VPS13B: variants seen among roughly 807,000 people sequenced by gnomAD.
The protein encoded by VPS13B is intermembrane lipid transfer protein VPS13B.
Under a neutral mutation model 426.4 loss-of-function variants are expected in VPS13B, and 285 were observed. The ratio of observed to expected loss-of-function variants is 0.67; its 90% CI spans 0.61 to 0.74. The LOEUF (loss-of-function observed/expected upper bound fraction) is 0.74, where lower values mean the gene tolerates loss of function less well. Among genes scored for constraint, VPS13B ranks in the 30% least tolerant of loss-of-function variants. The pLI, the probability that VPS13B is intolerant of heterozygous loss-of-function variation, is 0.00. For missense variants in VPS13B, 4,537 were observed against 4,782.6 expected, an observed-to-expected ratio of 0.95 and a Z score of 1.51; for synonymous variants, 1,676 against 1,676.4, an observed-to-expected ratio of 1.00 and a Z score of 0.01.
intron 21 of VPS13B, among the ~76,000 whole-genome samples, chr8:99,416,009 G>C (rs547421493): frequency 6.6e-6 from 1 of 152,280 alleles, no homozygotes; most frequent in East Asian, 1.9e-4. Context: ...CTGATGCTGC[G>C]CCCACAGCCG....
At chr8:99,590,722 C>T (rs1325188248) in intron 33 of VPS13B, among the ~76,000 whole-genome samples, 2 of 152,056 alleles carry the variant, frequency 1.3e-5, no homozygotes, top group Non-Finnish European at 2.9e-5. Context: ...GATTTCTGTT[C>T]TTTTACATTT....
intron 41 of VPS13B, among the ~76,000 whole-genome samples, chr8:99,777,255 A>G (rs1368472876): frequency 6.6e-6 from 1 of 152,132 alleles, no homozygotes; most frequent in Non-Finnish European, 1.5e-5. Context: ...ATGATCTTGT[A>G]TTAGTTCATT....
At chr8:99,194,468 T>A (rs2132733143) in intron 17 of VPS13B, among the ~76,000 whole-genome samples, 1 of 152,312 alleles carries the variant, frequency 6.6e-6, no homozygotes, top group Middle Eastern at 3.4e-3. Flanking sequence ...CTAACTACCA[T>A]TCTACTCTCT....
intron 39 of VPS13B, among the ~76,000 whole-genome samples, chr8:99,723,186 C>T (rs1442136726): frequency 6.6e-6 from 1 of 152,126 alleles, no homozygotes; most frequent in Non-Finnish European, 1.5e-5. Flanking sequence ...TTTTGTTTTA[C>T]TTTTTATTCC....
chr8:99,463,811 G>A (rs1396705470), intron 23 of VPS13B, among the ~76,000 whole-genome samples: 6 of 152,090 alleles, frequency 3.9e-5, no homozygotes, highest in Non-Finnish European at 8.8e-5. Context: ...TCCTGCCTCA[G>A]CCTCCCAAGT....
intron 39 of VPS13B, among the ~76,000 whole-genome samples, 161 bp from the exon 40 acceptor site, chr8:99,766,613 C>T (rs1290371749): frequency 1.3e-5 from 2 of 152,168 alleles, no homozygotes; most frequent in Middle Eastern, 3.4e-3. Flanking sequence ...GATGAATATA[C>T]AATAATATGA....
chr8:99,406,473 C>T (rs181616604), intron 21 of VPS13B, among the ~76,000 whole-genome samples: 11 of 152,280 alleles, frequency 7.2e-5, no homozygotes, highest in Non-Finnish European at 1.6e-4. Flanking sequence ...TATAACTTTT[C>T]ATATCTGTTC....
intron 58 of VPS13B, among the ~76,000 whole-genome samples, chr8:99,862,841 G>A (rs770516047): frequency 2.6e-5 from 4 of 152,226 alleles, no homozygotes; most frequent in Non-Finnish European, 4.4e-5. Flanking sequence ...TACAAGTTCA[G>A]GTTAAGTTGC....
chr8:99,650,342 T>C (rs1253373486), intron 34 of VPS13B, among the ~76,000 whole-genome samples: 2 of 152,206 alleles, frequency 1.3e-5, no homozygotes, highest in East Asian at 3.8e-4. Flanking sequence ...AGGGCTTTCC[T>C]TTCATATACT....
At chr8:99,330,922 T>C (rs1384890052) in intron 19 of VPS13B, among the ~76,000 whole-genome samples, 1 of 151,788 alleles carries the variant, frequency 6.6e-6, no homozygotes, top group Non-Finnish European at 1.5e-5. Context: ...TGCATTAGAG[T>C]ATTAGGTGAA....
intron 30 of VPS13B, among the ~76,000 whole-genome samples, chr8:99,534,726 A>G (rs906766157): frequency 2.6e-5 from 4 of 152,168 alleles, no homozygotes; most frequent in African/African-American, 4.8e-5. Context: ...ATATAAGACA[A>G]TTGTCCAAAA....
intron 21 of VPS13B, among the ~76,000 whole-genome samples, chr8:99,398,856 A>G (rs1274454043): frequency 6.6e-6 from 1 of 151,880 alleles, no homozygotes; most frequent in African/African-American, 2.4e-5. Context: ...CTAAGAGATC[A>G]AAAAATGTAT....
chr8:99,312,006 T>C (rs565143423), intron 19 of VPS13B, among the ~76,000 whole-genome samples: 8 of 152,324 alleles, frequency 5.3e-5, no homozygotes, highest in African/African-American at 1.7e-4. Flanking sequence ...CCTGCCTTTT[T>C]TTATTGTCTG....
intron 32 of VPS13B, among the ~76,000 whole-genome samples, chr8:99,576,623 T>C (rs181216851): frequency 8.5e-5 from 13 of 152,306 alleles, no homozygotes; most frequent in Non-Finnish European, 1.5e-4. Context: ...CTCTGGATGA[T>C]ACTATAAGGG....
intron 17 of VPS13B, among the ~76,000 whole-genome samples, chr8:99,247,809 A>C (rs761755322): frequency 7.2e-5 from 11 of 152,164 alleles, no homozygotes; most frequent in Non-Finnish European, 1.3e-4. Context: ...TGTTAAATAT[A>C]GTGAATATGT....
intron 16 of VPS13B, among the ~76,000 whole-genome samples, chr8:99,182,577 G>A (rs1317865599): frequency 6.6e-6 from 1 of 152,128 alleles, no homozygotes; most frequent in African/African-American, 2.4e-5. Context: ...AGTGGAATGA[G>A]TTAGCAACTA....
chr8:99,234,727 G>A (rs1331338093), intron 17 of VPS13B, among the ~76,000 whole-genome samples: 1 of 152,164 alleles, frequency 6.6e-6, no homozygotes, highest in Non-Finnish European at 1.5e-5. Flanking sequence ...CTCATTCTTT[G>A]TATAATTTAT....
At position 99,695,803 on chromosome 8, in the gene VPS13B, G is replaced by T. The variant is rs139518763; in HGVS notation, c.6047-3722G>T. On this transcript the variant is annotated intron_variant, in intron 35 of 61. Transcript: ENST00000357162. ...AGGGATGGGACCCTGAGAGAGCCTG[G>T]GTATCCAGGAGCGAAGCCAAAGATC... Among the ~76,000 whole-genome samples, 743 of 152,110 alleles carry T rather than the reference G, an allele frequency of 4.9e-3. 8 individuals carry two copies. The highest frequency in any genetic ancestry group is 0.017 in the African/African-American group (690 of 41,496).
In VPS13B at chr8:99,219,028, C is replaced by T. The variant is rs114241039; in HGVS notation, c.2515+25971C>T. On this transcript the variant is annotated intron_variant, in intron 17 of 61. Transcript: ENST00000357162. Reference sequence around the variant, plus strand: ...CAGTTGACCTCATCCTGGAATGGGCCCCTACTGTGGTCATCAGCATGAGTG... The same window carrying T: ...CAGTTGACCTCATCCTGGAATGGGCTCCTACTGTGGTCATCAGCATGAGTG... Among the ~76,000 whole-genome samples the T allele has an allele frequency of 1.3e-3, 205 of 152,162 alleles. 1 individual carries two copies. The highest frequency in any genetic ancestry group is 4.9e-3 in the African/African-American group (202 of 41,504).
Sources: allele counts gnomAD v4.1 joint callset (sites outside exome capture counted in the v4.1 genomes callset), GRCh38; gene constraint gnomAD v4.1.1; transcripts MANE v1.5; gene names NCBI Gene and HGNC (gene_info 2026-07-23, HGNC 2026-07-21).